Variants in USP33 observed in about 807,000 individuals in gnomAD.
The protein encoded by USP33 is ubiquitin specific peptidase 33, also known as ubiquitin carboxyl-terminal hydrolase 33.
A neutral mutation model predicts 124.2 loss-of-function variants in USP33; 46 were observed. The ratio of observed to expected loss-of-function variants is 0.37; its 90% CI spans 0.29 to 0.47. USP33 has a LOEUF of 0.47. Ranked by LOEUF, USP33 falls within the 20% of genes least tolerant of loss-of-function variation. The pLI is 0.99. For synonymous variants in USP33, 350 were observed against 352.3 expected (o/e 0.99, Z 0.07); for missense variants, 851 against 1,070.6 (o/e 0.79, Z 2.86).
intron 21 of USP33, among the ~76,000 whole-genome samples, chr1:77,705,728 G>T (rs1674553322): frequency 6.6e-6 from 1 of 151,900 alleles, no homozygotes; most frequent in Non-Finnish European, 1.5e-5. Context: ...GGACTTTAAT[G>T]GTTTTCTGTA....
At chr1:77,728,733 T>G (rs769991313) in intron 9 of USP33, 21 bp from the exon 10 acceptor site, 9 of 1,598,446 alleles carry the variant, frequency 5.6e-6, no homozygotes, top group Non-Finnish European at 6.8e-6. Flanking sequence ...AGCAACATAA[T>G]GTTAACCACT....
chr1:77,701,445 GTCCTCT>G lies in USP33; in HGVS notation c.2427_2432del (p.Lys809_Asp811delinsAsn). The G allele has an allele frequency of 6.2e-7, 1 of 1,612,808 alleles. No individual in the cohort carries two copies. The highest frequency in any genetic ancestry group is 8.5e-7 in the Non-Finnish European group (1 of 1,179,646). On this transcript the variant is annotated inframe_deletion, in exon 22 of 24. Transcript: ENST00000370794. ...TGATGCAATAAAAAGTAGCTGGAGA[GTCCTCT>G]TTTTGGAACGCTCTGTTAAGCTACA...
In USP33 at chr1:77,721,812, T is replaced by C. The variant is rs764761583; in HGVS notation, c.1657+19A>G. 4.7e-5 allele frequency: 75 copies of C among 1,590,946 alleles called. No homozygotes were observed. The highest frequency in any genetic ancestry group is 5.7e-5 in the Non-Finnish European group (67 of 1,172,172). ...AGATTTACCTACAAAAATTTAGCCA[T>C]AGATATTATATTTCTTACCTTTTAG... On this transcript the variant is annotated intron_variant, in intron 14 of 23. Coordinates refer to ENST00000370794, the MANE Select transcript of USP33 (RefSeq NM_201624.3).
intron 11 of USP33, among the ~76,000 whole-genome samples, chr1:77,724,429 C>CT (rs1373566823): frequency 1.3e-5 from 2 of 152,018 alleles, no homozygotes; most frequent in African/African-American, 4.8e-5. Context: ...CTTTTAATGT[C>CT]TTTAAGAACT....
intron 22 of USP33, 98 bp from the exon 23 acceptor site, chr1:77,698,029 C>A: frequency 1.2e-6 from 1 of 842,334 alleles, no homozygotes; most frequent in Non-Finnish European, 1.9e-6. Context: ...ACTACATTAT[C>A]AGACTGGTTA....
At chr1:77,730,537 T>C in intron 8 of USP33, 81 bp downstream of exon 8, 1 of 1,083,176 alleles carries the variant, frequency 9.2e-7, no homozygotes, top group Admixed American at 2.8e-5. Context: ...TCCGGCTCCA[T>C]AAATGGACCT....
At chr1:77,703,540 C>T (rs1294897159) in intron 21 of USP33, among the ~76,000 whole-genome samples, 3 of 152,202 alleles carry the variant, frequency 2.0e-5, no homozygotes, top group Admixed American at 6.5e-5. Flanking sequence ...AGGAGAATCA[C>T]TTGAACCCGG....
chr1:77,731,538 CTTT>C (rs1233549511), intron 7 of USP33, among the ~76,000 whole-genome samples: 1 of 142,998 alleles, frequency 7.0e-6, no homozygotes, highest in Non-Finnish European at 1.5e-5. Context: ...CAAGTGTAAT[CTTT>C]TTTTTTTTTT....
Position 77,711,834 on chromosome 1 carries a change from G to A in USP33, c.2319C>T (p.Val773=), listed in dbSNP as rs199958315. The A allele has an allele frequency of 3.1e-5, 49 of 1,604,232 alleles. No individual in the cohort carries two copies. The highest frequency in any genetic ancestry group is 4.2e-5 in the Non-Finnish European group (49 of 1,177,330). ...AAGTATGACAAATGTACAGATGGTT[G>A]ACAGCTGGTCCTCCACCATACCTAA... ...LYSRYGGGPA[V]NHLYICHTCQ... is the part of the protein sequence containing the mutation. Residue 773 remains valine, a synonymous_variant, in exon 21 of 24, where the codon GTC becomes GTT. Coordinates refer to ENST00000370794, the MANE Select transcript of USP33 (RefSeq NM_201624.3).
chr1:77,706,170 C>T (rs981949352), intron 21 of USP33, among the ~76,000 whole-genome samples: 3 of 151,994 alleles, frequency 2.0e-5, no homozygotes, highest in Non-Finnish European at 4.4e-5. Flanking sequence ...GAATGAATAC[C>T]TAAGAGTGGG....
chr1:77,712,143 A>G (rs1222944465), intron 20 of USP33, among the ~76,000 whole-genome samples: 2 of 152,232 alleles, frequency 1.3e-5, no homozygotes, highest in African/African-American at 2.4e-5. Context: ...ATCATACAAC[A>G]TATAAATCTT....
intron 7 of USP33, among the ~76,000 whole-genome samples, chr1:77,732,441 C>T (rs556510759): frequency 1.3e-5 from 2 of 152,194 alleles, no homozygotes; most frequent in African/African-American, 4.8e-5. Flanking sequence ...TTTCAAATTC[C>T]ACTCTCTTCC....
chr1:77,756,599 T>C (rs1209487850), intron 1 of USP33, among the ~76,000 whole-genome samples: 1 of 152,180 alleles, frequency 6.6e-6, no homozygotes, highest in African/African-American at 2.4e-5. Flanking sequence ...GAGGATTGAC[T>C]GTAGATGGAA....
chr1:77,723,660 T>C (rs550047024), intron 11 of USP33, among the ~76,000 whole-genome samples: 98 of 151,152 alleles, frequency 6.5e-4, no homozygotes, highest in African/African-American at 2.3e-3. Context: ...ATATTTGTTG[T>C]TTTTTTTTGT....
chr1:77,753,205 G>A (rs1207833536), intron 1 of USP33, among the ~76,000 whole-genome samples: 2 of 152,184 alleles, frequency 1.3e-5, no homozygotes, highest in African/African-American at 2.4e-5. Flanking sequence ...AAGGGGGTCA[G>A]GTATTTGGAT....
chr1:77,749,361 A>AT (rs1337196005), intron 1 of USP33, among the ~76,000 whole-genome samples: 3 of 150,200 alleles, frequency 2.0e-5, no homozygotes, highest in African/African-American at 4.9e-5. Flanking sequence ...CTTTGGTTGT[A>AT]TTTTTTTATG....
chr1:77,714,604 G>C lies in USP33; in HGVS notation c.2215+10C>G. On this transcript the variant is annotated intron_variant, in intron 19 of 23. Transcript: ENST00000370794. The stretch of plus-strand genomic sequence containing the variant: ...CTTCTACTACCGGTTTGCATTACAG[G>C]AGTTCTTACCTCCATGAATACAAAG... 3 of 1,607,474 alleles carry C rather than the reference G, an allele frequency of 1.9e-6. No individual in the cohort carries two copies. The highest frequency in any genetic ancestry group is 2.5e-6 in the Non-Finnish European group (3 of 1,178,232).
intron 21 of USP33, among the ~76,000 whole-genome samples, chr1:77,708,639 A>G (rs1674898081): frequency 6.6e-6 from 1 of 152,238 alleles, no homozygotes; most frequent in South Asian, 2.1e-4. Flanking sequence ...CCAAGTATAC[A>G]AAGAAATTTT....
Position 77,728,639 on chromosome 1 carries a change from T to A in USP33, c.791A>T (p.Glu264Val), listed in dbSNP as rs760369064. 2.9e-5 allele frequency: 46 copies of A among 1,614,030 alleles called. No homozygotes were observed. Among genetic ancestry groups the A allele is most frequent in the Middle Eastern group, 1.6e-4 (1 of 6,084 alleles). The change falls in exon 10 of 24, where the codon GAA becomes GTA. Residue 264 changes from glutamate to valine, a missense_variant. Coordinates refer to ENST00000370794, the MANE Select transcript of USP33 (RefSeq NM_201624.3). ...EELKEQVMEV[E>V]EDPQTITTEE... The stretch of plus-strand genomic sequence containing the variant: ...AGTGGTTATGGTTTGCGGATCTTCT[T>A]CTACTTCCATGACTTGCTCTTTCAA...
Sources: gnomAD v4.1 joint callset for allele counts (sites outside exome capture counted in the v4.1 genomes callset) on GRCh38, gnomAD v4.1.1 for gene constraint, MANE v1.5 for transcripts, NCBI Gene and HGNC (gene_info 2026-07-23, HGNC 2026-07-21) for gene names.